SBF2: variants seen among roughly 807,000 people sequenced by gnomAD.
SBF2 encodes SET binding factor 2.
Under a neutral mutation model 225.2 loss-of-function variants are expected in SBF2, and 112 were observed. That is an observed-to-expected ratio of 0.50 (90% CI 0.43 to 0.58). The LOEUF (loss-of-function observed/expected upper bound fraction) is 0.58, where lower values mean the gene tolerates loss of function less well. Among genes scored for constraint, SBF2 ranks in the 20% least tolerant of loss-of-function variants. The pLI, the probability that SBF2 is intolerant of heterozygous loss-of-function variation, is 0.00. For synonymous variants in SBF2, 763 were observed against 773.3 expected (o/e 0.99, Z 0.22); for missense variants, 1,996 against 2,206.2 (o/e 0.90, Z 1.91).
chr11:10,185,421 C>T (rs1364604101), intron 2 of SBF2, among the ~76,000 whole-genome samples: 2 of 152,116 alleles, frequency 1.3e-5, no homozygotes, highest in African/African-American at 4.8e-5. Context: ...CCTAATCTTG[C>T]TAACATTTGT....
chr11:10,098,679 GCACACACACA>G lies in SBF2; in HGVS notation c.142-55708_142-55699del, dbSNP rs56244507. On this transcript the variant is annotated intron_variant, in intron 2 of 39. Coordinates refer to ENST00000256190, the MANE Select transcript of SBF2 (RefSeq NM_030962.4). ...AATACAATCAACAAAGACAAAAAAT[GCACACACACA>G]CACACACACACACACACACACACAC... 1.2e-3 allele frequency among the ~76,000 whole-genome samples: 163 copies of G among 130,892 alleles called. 1 individual carries two copies. Among genetic ancestry groups the G allele is most frequent in the East Asian group, 2.7e-3 (12 of 4,388 alleles). The allele number at this position is 130,892 out of a possible 152,430, so 85.9% of individuals were successfully genotyped here. A position where few individuals can be genotyped will look rare whatever the true frequency, so the allele number is the denominator to read the frequency against.
chr11:9,895,642 G>A (rs1031906743), intron 17 of SBF2, among the ~76,000 whole-genome samples: 2 of 152,134 alleles, frequency 1.3e-5, no homozygotes, highest in African/African-American at 4.8e-5. Flanking sequence ...TACTTTCTGT[G>A]ATGGGGAAAA....
intron 2 of SBF2, among the ~76,000 whole-genome samples, chr11:10,110,897 T>C (rs969462362): frequency 6.6e-6 from 1 of 152,168 alleles, no homozygotes; most frequent in African/African-American, 2.4e-5. Context: ...TGTAAACAGA[T>C]ATAACGATAC....
intron 16 of SBF2, among the ~76,000 whole-genome samples, chr11:9,906,330 A>G (rs920838268): frequency 6.6e-6 from 1 of 152,218 alleles, no homozygotes; most frequent in African/African-American, 2.4e-5. Flanking sequence ...ACTTTAAATG[A>G]CAACAGCTGT....
chr11:10,024,378 A>C (rs1248304028), intron 6 of SBF2, among the ~76,000 whole-genome samples: 5 of 152,138 alleles, frequency 3.3e-5, no homozygotes, highest in Non-Finnish European at 7.4e-5. Context: ...GTACCATTTC[A>C]TATTCCTATT....
At chr11:9,974,112 A>C (rs923482260) in intron 13 of SBF2, among the ~76,000 whole-genome samples, 1 of 152,142 alleles carries the variant, frequency 6.6e-6, no homozygotes, top group African/African-American at 2.4e-5. Context: ...GGAATGACTC[A>C]TCCTCAATTT....
In SBF2 at chr11:10,044,228, C is replaced by CGGCT. The variant is rs1468686719; in HGVS notation, c.142-1248_142-1247insAGCC. On this transcript the variant is annotated intron_variant, in intron 2 of 39. Coordinates refer to ENST00000256190, the MANE Select transcript of SBF2 (RefSeq NM_030962.4). ...TGCTTCTTTGAAAAGCTCAATAAGC[C>CGGCT]TCTAGCCAGGCTAATTAAGAAAAAA... is the stretch of plus-strand genomic sequence containing the variant. Among the ~76,000 whole-genome samples, 6 of 150,958 alleles carry CGGCT rather than the reference C, an allele frequency of 4.0e-5. No individual in the cohort carries two copies. In the South Asian group the frequency reaches 6.3e-4, roughly 16 times the overall value.
At chr11:10,225,992 G>C (rs1016967831) in intron 1 of SBF2, among the ~76,000 whole-genome samples, 3 of 152,036 alleles carry the variant, frequency 2.0e-5, no homozygotes, top group African/African-American at 7.2e-5. Context: ...TTATCCAACA[G>C]AAATAAGCAG....
At chr11:10,211,553 T>C (rs1191057836) in intron 1 of SBF2, among the ~76,000 whole-genome samples, 1 of 152,172 alleles carries the variant, frequency 6.6e-6, no homozygotes, top group Non-Finnish European at 1.5e-5. Flanking sequence ...TCATCAGCTG[T>C]GTCTTTAGTG....
At chr11:10,232,137 G>A (rs563257882) in intron 1 of SBF2, among the ~76,000 whole-genome samples, 7 of 152,326 alleles carry the variant, frequency 4.6e-5, no homozygotes, top group Admixed American at 3.9e-4. Flanking sequence ...CTGGTGTGCC[G>A]TTTGTTAAGC....
At chr11:9,969,836 T>C (rs1867210781) in intron 13 of SBF2, among the ~76,000 whole-genome samples, 1 of 152,240 alleles carries the variant, frequency 6.6e-6, no homozygotes, top group African/African-American at 2.4e-5. Context: ...AGTAGACGTA[T>C]ACCTACTGCA....
chr11:10,203,890 G>A (rs150960304), intron 1 of SBF2, among the ~76,000 whole-genome samples: 4 of 152,116 alleles, frequency 2.6e-5, no homozygotes, highest in African/African-American at 9.6e-5. Context: ...ACTTCTAGTG[G>A]CCTAATATGC....
At chr11:10,002,041 G>GA (rs1342239320) in intron 7 of SBF2, among the ~76,000 whole-genome samples, 5 of 151,884 alleles carry the variant, frequency 3.3e-5, no homozygotes, top group African/African-American at 4.8e-5. Context: ...AAAAACAGAG[G>GA]AAAAAATTAC....
intron 16 of SBF2, among the ~76,000 whole-genome samples, chr11:9,935,419 A>G (rs1864822056): frequency 6.6e-6 from 1 of 152,214 alleles, no homozygotes; most frequent in Admixed American, 6.5e-5. Context: ...CCATCAAGCT[A>G]CCAATAACTT....
At chr11:10,231,688 T>C (rs1185825820) in intron 1 of SBF2, among the ~76,000 whole-genome samples, 2 of 152,168 alleles carry the variant, frequency 1.3e-5, no homozygotes, top group African/African-American at 4.8e-5. Context: ...CAGAGGAGTA[T>C]CCAGCTGTGT....
chr11:10,020,853 T>C (rs908105654), intron 6 of SBF2, among the ~76,000 whole-genome samples: 41 of 147,688 alleles, frequency 2.8e-4, no homozygotes, highest in Admixed American at 2.5e-3. Context: ...TAATAACTTT[T>C]ATGTACAAAG....
chr11:10,107,773 G>A (rs781499269), intron 2 of SBF2, among the ~76,000 whole-genome samples: 7 of 151,968 alleles, frequency 4.6e-5, no homozygotes, highest in African/African-American at 1.2e-4. Context: ...TTTACGGCCC[G>A]TCCTAATACA....
Position 10,231,035 on chromosome 11 carries a change from C to A in SBF2, c.56-37048G>T, listed in dbSNP as rs192625340. 2.1e-4 allele frequency among the ~76,000 whole-genome samples: 32 copies of A among 152,192 alleles called. No homozygotes were observed. In the East Asian group the frequency reaches 5.6e-3, roughly 27 times the overall value. On this transcript the variant is annotated intron_variant, in intron 1 of 39. Transcript: ENST00000256190. Reference sequence around the variant, plus strand: ...TTTTCATTCTTTTTTCTCTAAACTTCTCTTCTTGCTTCATTTCATTCATTT... The same window carrying A: ...TTTTCATTCTTTTTTCTCTAAACTTATCTTCTTGCTTCATTTCATTCATTT...
intron 2 of SBF2, among the ~76,000 whole-genome samples, chr11:10,141,953 ATCCTCTT>A (rs1954667941): frequency 2.6e-5 from 4 of 152,178 alleles, no homozygotes; most frequent in Admixed American, 6.5e-5. Context: ...AAAGCTATCC[ATCCTCTT>A]TAAGCTCTTA....
Sources: allele counts gnomAD v4.1 joint callset (sites outside exome capture counted in the v4.1 genomes callset), GRCh38; gene constraint gnomAD v4.1.1; transcripts MANE v1.5; gene names NCBI Gene and HGNC (gene_info 2026-07-23, HGNC 2026-07-21).